Variants in SEC63 observed in about 807,000 individuals in gnomAD.
SEC63 encodes translocation protein SEC63 homolog.
A neutral mutation model predicts 116.2 loss-of-function variants in SEC63; 56 were observed. The ratio of observed to expected loss-of-function variants is 0.48; its 90% CI spans 0.39 to 0.60. SEC63 has a LOEUF of 0.60. Ranked by LOEUF, SEC63 falls within the 20% of genes least tolerant of loss-of-function variation. The probability of loss-of-function intolerance (pLI) is 0.00; values close to 1 mark genes in which losing one functional copy is unlikely to be tolerated. For synonymous variants in SEC63, 273 were observed against 294.6 expected, an observed-to-expected ratio of 0.93 and a Z score of 0.75; for missense variants, 668 against 900.0, an observed-to-expected ratio of 0.74 and a Z score of 3.30.
At chr6:107,953,782 CGGGA>C in intron 1 of SEC63, among the ~76,000 whole-genome samples, 1 of 123,020 alleles carries the variant, frequency 8.1e-6, no homozygotes, top group Non-Finnish European at 1.8e-5. Context: ...CCGCCCCGTC[CGGGA>C]GGGAGGTGGG....
intron 17 of SEC63, among the ~76,000 whole-genome samples, 175 bp from the exon 18 acceptor site, chr6:107,881,425 A>T (rs191156778): frequency 5.9e-5 from 9 of 152,218 alleles, no homozygotes; most frequent in African/African-American, 2.2e-4. Flanking sequence ...AAATATATTA[A>T]ATCTAACCAC....
intron 4 of SEC63, among the ~76,000 whole-genome samples, chr6:107,919,821 C>CA (rs558973753): frequency 0.02 from 2,576 of 129,250 alleles, 61 homozygotes; most frequent in African/African-American, 0.049. Context: ...GACTCCATCT[C>CA]AAAAAAAAAA....
chr6:107,927,942 T>C (rs1052157388), intron 2 of SEC63, among the ~76,000 whole-genome samples: 4 of 152,156 alleles, frequency 2.6e-5, no homozygotes, highest in Non-Finnish European at 5.9e-5. Context: ...ATTGCTTTTT[T>C]CCCCCAAATA....
chr6:107,943,798 G>T (rs922359393), intron 1 of SEC63, among the ~76,000 whole-genome samples: 3 of 152,198 alleles, frequency 2.0e-5, no homozygotes, highest in Middle Eastern at 3.2e-3. Flanking sequence ...GGCTGGAATG[G>T]AAACAGCAAA....
chr6:107,912,652 C>G, intron 6 of SEC63, 64 bp downstream of exon 6: 1 of 919,276 alleles, frequency 1.1e-6, no homozygotes, highest in East Asian at 2.5e-5. Flanking sequence ...ATTACCAAGA[C>G]AGATTGTACA....
chr6:107,948,995 T>C lies in SEC63; in HGVS notation c.124+8891A>G, dbSNP rs532694815. On this transcript the variant is annotated intron_variant, in intron 1 of 20. Coordinates refer to ENST00000369002, the MANE Select transcript of SEC63 (RefSeq NM_007214.5). ...CTCTGTGGTTCGCCCCATGTTCACA[T>C]TAAATACATGTGTATGTCTTTCCTC... Among the ~76,000 whole-genome samples the C allele has an allele frequency of 1.8e-4, 28 of 152,360 alleles. No homozygotes were observed. The East Asian group carries it at 4.0e-3, about 22-fold the overall frequency.
chr6:107,895,791 G>C (rs1353726086), intron 14 of SEC63, among the ~76,000 whole-genome samples: 1 of 150,880 alleles, frequency 6.6e-6, no homozygotes, highest in African/African-American at 2.4e-5. Flanking sequence ...GTGAGGCCAA[G>C]GCAGGAAGAT....
intron 3 of SEC63, 80 bp downstream of exon 3, chr6:107,924,738 C>T: frequency 2.7e-6 from 2 of 746,570 alleles, no homozygotes; most frequent in Admixed American, 2.0e-5. Flanking sequence ...TAGGAATAGA[C>T]AATTTCTTTT....
chr6:107,906,732 T>C lies in SEC63; in HGVS notation c.779A>G (p.Tyr260Cys), dbSNP rs762097086. The C allele has an allele frequency of 8.1e-6, 13 of 1,614,060 alleles. No individual in the cohort carries two copies. Among genetic ancestry groups the C allele is most frequent in the Middle Eastern group, 3.3e-4 (2 of 6,060 alleles). The change falls in exon 9 of 21, where the codon TAT becomes TGT. Residue 260 changes from tyrosine to cysteine, a missense_variant. By Grantham distance (194) the Tyr-to-Cys change is radical. Around this residue, in one of 5 missense-constraint regions of SEC63, gnomAD observed 430 missense variants for 557.5 expected, o/e 0.77. Coordinates refer to ENST00000369002, the MANE Select transcript of SEC63 (RefSeq NM_007214.5). ...TGGTCTGCTTGTGGCATCTTTATTA[T>C]ACTGAGGATCAAATTCAGAAGCTCC... ...LAGASEFDPQYNKDATSRPTD... is the reference protein window; with the variant it reads ...LAGASEFDPQCNKDATSRPTD...
chr6:107,935,810 A>C (rs1276364913), intron 1 of SEC63, among the ~76,000 whole-genome samples: 3 of 144,752 alleles, frequency 2.1e-5, no homozygotes, highest in Admixed American at 6.9e-5. Context: ...ATAAAATAAA[A>C]TAAAATAAAG....
At chr6:107,947,130 T>C (rs879071266) in intron 1 of SEC63, among the ~76,000 whole-genome samples, 2 of 152,078 alleles carry the variant, frequency 1.3e-5, no homozygotes, top group Admixed American at 6.5e-5. Flanking sequence ...TGAAACCCTA[T>C]CTCTACAAAA....
At chr6:107,916,083 A>C (rs185160429) in intron 4 of SEC63, among the ~76,000 whole-genome samples, 2 of 151,936 alleles carry the variant, frequency 1.3e-5, no homozygotes, top group African/African-American at 4.8e-5. Flanking sequence ...AAAATTATAA[A>C]CTTGAAAATG....
chr6:107,893,698 AT>A (rs1786746523), intron 15 of SEC63, 43 bp from the exon 16 acceptor site: 1 of 1,610,152 alleles, frequency 6.2e-7, no homozygotes, highest in Admixed American at 1.7e-5. Flanking sequence ...ATAGCAACAG[AT>A]TCAATTGAAG....
intron 1 of SEC63, among the ~76,000 whole-genome samples, chr6:107,945,571 T>C (rs1366926632): frequency 1.3e-5 from 2 of 152,100 alleles, no homozygotes; most frequent in South Asian, 2.1e-4. Flanking sequence ...CCCAAAGTGC[T>C]GGGATTACAG....
intron 1 of SEC63, among the ~76,000 whole-genome samples, chr6:107,939,029 T>C (rs1455866460): frequency 6.6e-6 from 1 of 152,226 alleles, no homozygotes; most frequent in Non-Finnish European, 1.5e-5. Flanking sequence ...ATGCCTTTAA[T>C]CTCAGCACTT....
At chr6:107,886,708 G>GT (rs1317973496) in intron 16 of SEC63, among the ~76,000 whole-genome samples, 1 of 111,446 alleles carries the variant, frequency 9.0e-6, no homozygotes, top group South Asian at 3.0e-4. Flanking sequence ...GGAATTGTTT[G>GT]TTTTTTTCCT....
chr6:107,902,958 G>C lies in SEC63; in HGVS notation c.1095C>G (p.Asn365Lys). 2 of 1,614,048 alleles carry C rather than the reference G, an allele frequency of 1.2e-6. No homozygotes were observed. The highest frequency in any genetic ancestry group is 2.2e-5 in the South Asian group (2 of 91,078). ...CGGCCATCTGAGAAAGCTTCATGCAGTTTTCTAGGGATGCCAAAGTTGGAG... is the reference window on the plus strand; with the variant it reads ...CGGCCATCTGAGAAAGCTTCATGCACTTTTCTAGGGATGCCAAAGTTGGAG... ...FRAPTLASLE[N>K]CMKLSQMAVQ... Residue 365 changes from asparagine to lysine, a missense_variant, in exon 12 of 21, where the codon AAC (asparagine) becomes AAG (lysine). Physicochemically the swap from Asn to Lys is moderately conservative, Grantham distance 94. Coordinates refer to ENST00000369002, the MANE Select transcript of SEC63 (RefSeq NM_007214.5).
rs1186396297 is a variant in SEC63 at position 107,958,162 on chromosome 6, G to A, written c.-153C>T. The A allele has an allele frequency of 2.0e-5, 24 of 1,206,946 alleles. No individual in the cohort carries two copies. The highest frequency in any genetic ancestry group is 4.6e-5 in the African/African-American group (3 of 65,872). The allele number at this position is 1,206,946 out of a possible 1,614,324, so 74.8% of individuals were successfully genotyped here. On this transcript the variant is annotated 5_prime_UTR_variant, in exon 1 of 21. Coordinates refer to ENST00000369002, the MANE Select transcript of SEC63 (RefSeq NM_007214.5). ...CCCACGCCACTCTCACGGACACGCC[G>A]CCGCCACCTCTGCCGCTGCCGCCGC...
intron 1 of SEC63, among the ~76,000 whole-genome samples, chr6:107,948,161 T>C (rs527244299): frequency 3.8e-4 from 58 of 152,064 alleles, no homozygotes; most frequent in Non-Finnish European, 8.2e-4. Flanking sequence ...TCCCAAAATA[T>C]AATTATTTAC....
Sources: gnomAD v4.1 joint callset for allele counts (sites outside exome capture counted in the v4.1 genomes callset) on GRCh38, gnomAD v4.1.1 for gene constraint, gnomAD v4.1.1 regional missense constraint, MANE v1.5 for transcripts, NCBI Gene and HGNC (gene_info 2026-07-23, HGNC 2026-07-21) for gene names.